Variants in IGSF10 observed in about 807,000 individuals in gnomAD.
The protein encoded by IGSF10 is immunoglobulin superfamily member 10.
In IGSF10, 126 loss-of-function variants were observed where a neutral mutation model predicts 128.2. That is an observed-to-expected ratio of 0.98 (90% CI 0.85 to 1.14). The LOEUF is 1.14. IGSF10 is among the 50% of genes most tolerant of loss of function. IGSF10 has a pLI of 0.00. For synonymous variants in IGSF10, 1,185 were observed against 1,146.2 expected, an observed-to-expected ratio of 1.03 and a Z score of -0.68; for missense variants, 3,295 against 3,149.8, an observed-to-expected ratio of 1.05 and a Z score of -1.10.
Position 151,460,955 on chromosome 3 carries a change from C to G in IGSF10, c.-98G>C, listed in dbSNP as rs1469519530. 1.0e-6 allele frequency: 1 copy of G among 985,266 alleles called. No individual in the cohort carries two copies. Among genetic ancestry groups the G allele is most frequent in the African/African-American group, 1.7e-5 (1 of 57,230 alleles). 61.0% of individuals were successfully genotyped at this position (985,266 alleles called of 1,614,324 possible). Reference sequence around the variant, plus strand: ...TGGCCGAGGCGCTCACCTGTTTGCCCTGGTGACCAATGGGCTCGAGCTGCC... The same window carrying G: ...TGGCCGAGGCGCTCACCTGTTTGCCGTGGTGACCAATGGGCTCGAGCTGCC... On this transcript the variant is annotated 5_prime_UTR_variant, in exon 1 of 8. Coordinates refer to ENST00000282466, the MANE Select transcript of IGSF10 (RefSeq NM_178822.5).
chr3:151,447,409 C>T lies in IGSF10; in HGVS notation c.2572G>A (p.Asp858Asn). ...SQILPPEEPT[D>N]FKLSTAIKTT... ...TTAATAGCAGTAGACAGTTTGAAAT[C>T]TGTGGGTTCTTCAGGTGGTAGTATT... Residue 858 changes from aspartate to asparagine, a missense_variant, in exon 6 of 8, where the codon GAT (aspartate) becomes AAT (asparagine). Asp to Asn is a conservative substitution (Grantham distance 23). Transcript: ENST00000282466. 6.2e-7 allele frequency: 1 copy of T among 1,614,082 alleles called. No homozygotes were observed. Among genetic ancestry groups the T allele is most frequent in the Non-Finnish European group, 8.5e-7 (1 of 1,179,982 alleles).
chr3:151,559,165 G>C, the IGSF10 span, among the ~76,000 whole-genome samples: 20 of 152,206 alleles, frequency 1.3e-4, no homozygotes, highest in African/African-American at 4.8e-4. Flanking sequence ...TAATTCAAGG[G>C]AGTAAAAAAC....
chr3:151,491,192 G>A, the IGSF10 span, among the ~76,000 whole-genome samples: 788 of 152,174 alleles, frequency 5.2e-3, 7 homozygotes, highest in Non-Finnish European at 7.5e-3. Flanking sequence ...AAAATAAAAA[G>A]CATCATAAGG....
At chr3:151,505,821 T>TA in the IGSF10 span, among the ~76,000 whole-genome samples, 742 of 152,314 alleles carry the variant, frequency 4.9e-3, 8 homozygotes, top group African/African-American at 0.017. Context: ...GACTAGTTGA[T>TA]AAAAAAATTA....
chr3:151,497,388 C>A, the IGSF10 span, among the ~76,000 whole-genome samples: 5 of 152,124 alleles, frequency 3.3e-5, no homozygotes, highest in South Asian at 2.1e-4. Flanking sequence ...TCAGCTTTCT[C>A]CATATGGCTA....
At chr3:151,615,072 T>A in the IGSF10 span, among the ~76,000 whole-genome samples, 3 of 151,922 alleles carry the variant, frequency 2.0e-5, no homozygotes, top group Non-Finnish European at 4.4e-5. Flanking sequence ...AATGCCACAT[T>A]TTTTGGTAAG....
the IGSF10 span, among the ~76,000 whole-genome samples, chr3:151,483,051 GTTC>G: frequency 6.6e-6 from 1 of 152,048 alleles, no homozygotes; most frequent in Non-Finnish European, 1.5e-5. Context: ...GCTTAAGGCA[GTTC>G]TTCAAATGGA....
At chr3:151,454,960 T>C (rs991891098) in intron 4 of IGSF10, among the ~76,000 whole-genome samples, 1 of 152,028 alleles carries the variant, frequency 6.6e-6, no homozygotes, top group Non-Finnish European at 1.5e-5. Flanking sequence ...GAGCTGAGAT[T>C]GCACCACCGC....
At chr3:151,611,809 G>A in the IGSF10 span, among the ~76,000 whole-genome samples, 52 of 152,132 alleles carry the variant, frequency 3.4e-4, no homozygotes, top group Admixed American at 5.2e-4. Context: ...CTTTCCTTCC[G>A]TTTTCAAGAA....
At chr3:151,529,581 C>A in the IGSF10 span, among the ~76,000 whole-genome samples, 1 of 152,276 alleles carries the variant, frequency 6.6e-6, no homozygotes, top group Non-Finnish European at 1.5e-5. Context: ...TGGAGTGGAC[C>A]TCTAGCAAAC....
At chr3:151,497,610 G>A in the IGSF10 span, among the ~76,000 whole-genome samples, 1 of 152,212 alleles carries the variant, frequency 6.6e-6, no homozygotes, top group Non-Finnish European at 1.5e-5. Context: ...CAGGTAGCAT[G>A]ATGCCTCCAG....
Position 151,453,686 on chromosome 3 carries a change from T to C in IGSF10, c.413A>G (p.His138Arg). The C allele has an allele frequency of 6.2e-6, 10 of 1,612,822 alleles. No homozygotes were observed. Among genetic ancestry groups the C allele is most frequent in the Non-Finnish European group, 8.5e-6 (10 of 1,178,818 alleles). The change falls in exon 5 of 8, where the codon CAC (histidine) becomes CGC (arginine). Residue 138 changes from histidine (H) to arginine (R), a missense_variant. Physicochemically the swap from His to Arg is conservative, Grantham distance 29. Transcript: ENST00000282466. The stretch of plus-strand genomic sequence containing the variant: ...TGGGTTTATAAACTCAATATTGTTG[T>C]GGTCCATGTGCAATCGTGTCAAGCT... ...LRSLTRLHMDHNNIEFINPEV... is the reference protein window; with the variant it reads ...LRSLTRLHMDRNNIEFINPEV...
At chr3:151,597,536 C>G in the IGSF10 span, among the ~76,000 whole-genome samples, 2 of 152,190 alleles carry the variant, frequency 1.3e-5, no homozygotes, top group Non-Finnish European at 2.9e-5. Flanking sequence ...CACATAGAAA[C>G]TTTAATGGTG....
the IGSF10 span, among the ~76,000 whole-genome samples, chr3:151,574,745 C>G: frequency 6.6e-6 from 1 of 152,206 alleles, no homozygotes. Flanking sequence ...CATTCCCTGT[C>G]CAGCTTTGTT....
At chr3:151,599,561 C>CT in the IGSF10 span, among the ~76,000 whole-genome samples, 1 of 152,080 alleles carries the variant, frequency 6.6e-6, no homozygotes, top group Non-Finnish European at 1.5e-5. Flanking sequence ...TTTATTGCGT[C>CT]TTTTTTGTGG....
chr3:151,448,220 A>G lies in IGSF10; in HGVS notation c.1761T>C (p.Ile587=). 6.2e-7 allele frequency: 1 copy of G among 1,614,216 alleles called. No homozygotes were observed. The highest frequency in any genetic ancestry group is 1.3e-5 in the African/African-American group (1 of 75,076). ...QENGIHHTVF[I]GETLDLPCHS... is the part of the protein sequence containing the mutation. ...GGCATGGAAGATCAAGTGTTTCACC[A>G]ATGAAAACTGTGTGATGAATCCCAT... is the stretch of plus-strand genomic sequence containing the variant. The change falls in exon 6 of 8, where the codon ATT becomes ATC. Residue 587 remains isoleucine (I), a synonymous_variant. Transcript: ENST00000282466.
chr3:151,496,646 C>T, the IGSF10 span, among the ~76,000 whole-genome samples: 26 of 149,102 alleles, frequency 1.7e-4, no homozygotes, highest in African/African-American at 6.2e-4. Context: ...CATACATGTG[C>T]ATGTGTCTTT....
the IGSF10 span, among the ~76,000 whole-genome samples, chr3:151,582,557 T>C: frequency 2.6e-5 from 4 of 152,214 alleles, no homozygotes; most frequent in African/African-American, 7.2e-5. Flanking sequence ...GATTGATTTA[T>C]GCTATTGTAT....
the IGSF10 span, among the ~76,000 whole-genome samples, chr3:151,583,713 C>T: frequency 1.3e-5 from 2 of 152,212 alleles, no homozygotes; most frequent in East Asian, 3.8e-4. Flanking sequence ...TATCCTAGAA[C>T]TTAAAGTATA....
Sources: gnomAD v4.1 joint callset for allele counts (sites outside exome capture counted in the v4.1 genomes callset) on GRCh38, gnomAD v4.1.1 for gene constraint, MANE v1.5 for transcripts, NCBI Gene and HGNC (gene_info 2026-07-23, HGNC 2026-07-21) for gene names.